Variants in PRLR observed in about 807,000 individuals in gnomAD.
The protein encoded by PRLR is prolactin receptor, also known as hPRL receptor.
Under a neutral mutation model 40.2 loss-of-function variants are expected in PRLR, and 13 were observed. The observed-to-expected ratio is 0.32, with a 90% CI of 0.21 to 0.51. The LOEUF (loss-of-function observed/expected upper bound fraction) is 0.51, where lower values mean the gene tolerates loss of function less well. Among genes scored for constraint, PRLR ranks in the 20% least tolerant of loss-of-function variants. The probability of loss-of-function intolerance (pLI) is 0.97; values close to 1 mark genes in which losing one functional copy is unlikely to be tolerated. For synonymous variants in PRLR, 269 were observed against 278.7 expected (o/e 0.97, Z 0.35); for missense variants, 656 against 747.3 (o/e 0.88, Z 1.42).
At position 35,065,275 on chromosome 5, in the gene PRLR, C is replaced by T. The variant is rs768229429; in HGVS notation, c.1683G>A (p.Val561=). The part of the protein sequence containing the change: ...GVMDNNILVL[V]PDPHAKNVAC... ...CCACGTTTTTAGCATGTGGATCTGG[C>T]ACCAACACCAGGATGTTGTTATCCA... The change falls in exon 10 of 10, where the codon GTG becomes GTA. Residue 561 remains valine (V), a synonymous_variant. Transcript: ENST00000618457. 1.2e-6 allele frequency: 2 copies of T among 1,614,140 alleles called. No individual in the cohort carries two copies. The highest frequency in any genetic ancestry group is 2.2e-5 in the South Asian group (2 of 91,088).
chr5:35,146,040 C>T (rs909184386), intron 1 of PRLR, among the ~76,000 whole-genome samples: 3 of 152,122 alleles, frequency 2.0e-5, no homozygotes, highest in African/African-American at 7.2e-5. Flanking sequence ...GACAAAGAAC[C>T]TCCATAAATC....
chr5:35,055,241 T>C (rs1768653274), downstream of PRLR, among the ~76,000 whole-genome samples: 1 of 152,190 alleles, frequency 6.6e-6, no homozygotes, highest in African/African-American at 2.4e-5. Flanking sequence ...AAGTTGATCA[T>C]ATCTCAGGTT....
chr5:35,188,114 G>A (rs1775496707), intron 1 of PRLR, among the ~76,000 whole-genome samples: 1 of 152,148 alleles, frequency 6.6e-6, no homozygotes, highest in African/African-American at 2.4e-5. Context: ...ACCTGGGGCA[G>A]CCACCCAGCT....
intron 1 of PRLR, among the ~76,000 whole-genome samples, chr5:35,156,220 A>T (rs570228185): frequency 6.6e-6 from 1 of 151,732 alleles, no homozygotes; most frequent in East Asian, 1.9e-4. Context: ...TCCAATGATG[A>T]ATCCTGTTGA....
At chr5:35,099,354 C>G (rs917526521) in intron 2 of PRLR, among the ~76,000 whole-genome samples, 1 of 152,146 alleles carries the variant, frequency 6.6e-6, no homozygotes, top group Non-Finnish European at 1.5e-5. Context: ...AACATCGTAA[C>G]GTAATGCTTT....
intron 2 of PRLR, among the ~76,000 whole-genome samples, chr5:35,096,787 A>G (rs983889088): frequency 6.6e-6 from 1 of 151,878 alleles, no homozygotes; most frequent in Non-Finnish European, 1.5e-5. Context: ...CGCCTGGCTA[A>G]TTTTTGTATT....
chr5:35,095,420 T>C (rs913339331), intron 2 of PRLR, among the ~76,000 whole-genome samples: 1 of 152,200 alleles, frequency 6.6e-6, no homozygotes, highest in Non-Finnish European at 1.5e-5. Flanking sequence ...ACAGCCAGCA[T>C]AGTTTTCAGT....
At chr5:35,083,197 C>T (rs767281785) in intron 5 of PRLR, among the ~76,000 whole-genome samples, 6 of 152,204 alleles carry the variant, frequency 3.9e-5, no homozygotes, top group African/African-American at 1.2e-4. Context: ...GGCCCCTCAG[C>T]GCAACTGAGG....
chr5:35,174,286 C>T (rs1775083972), intron 1 of PRLR, among the ~76,000 whole-genome samples: 1 of 152,164 alleles, frequency 6.6e-6, no homozygotes, highest in Non-Finnish European at 1.5e-5. Flanking sequence ...GACGGAGTTT[C>T]ACCATGTTGC....
chr5:35,134,665 C>T (rs982821899), intron 1 of PRLR, among the ~76,000 whole-genome samples: 5 of 152,102 alleles, frequency 3.3e-5, no homozygotes, highest in African/African-American at 1.2e-4. Context: ...ATTTAATTAA[C>T]TGAAAAATAA....
At chr5:35,054,868 G>T (rs1413301971), downstream of PRLR, among the ~76,000 whole-genome samples, 3 of 152,172 alleles carry the variant, frequency 2.0e-5, no homozygotes, top group Non-Finnish European at 2.9e-5. Flanking sequence ...TTTAAAAATA[G>T]CTGGGAAGGA....
intron 1 of PRLR, among the ~76,000 whole-genome samples, chr5:35,190,793 C>A (rs1218142246): frequency 1.3e-5 from 2 of 152,164 alleles, no homozygotes; most frequent in East Asian, 3.8e-4. Flanking sequence ...AGCATCTTGA[C>A]CACTGTGTAT....
chr5:35,092,737 A>C (rs934008572), intron 2 of PRLR, among the ~76,000 whole-genome samples: 2 of 152,170 alleles, frequency 1.3e-5, no homozygotes, highest in East Asian at 3.9e-4. Flanking sequence ...AGTCAGCCCC[A>C]CACATCCTGG....
intron 5 of PRLR, among the ~76,000 whole-genome samples, chr5:35,083,526 T>TC (rs1359284515): frequency 6.9e-6 from 1 of 144,644 alleles, no homozygotes; most frequent in African/African-American, 2.5e-5. Context: ...TTTCTTTTCT[T>TC]TTTTTTTTTT....
chr5:35,068,255 A>C lies in PRLR; in HGVS notation c.816T>G (p.Pro272=), dbSNP rs1454164659. 4 of 1,613,452 alleles carry C rather than the reference A, an allele frequency of 2.5e-6. No homozygotes were observed. The South Asian group carries it at 3.3e-5, about 13-fold the overall frequency. ...SMVTCIFPPV[P]GPKIKGFDAH... ...CATCAAATCCTTTTATTTTTGGCCC[A>C]GGAACTGGCGGAAAGATGCAGGTCA... Residue 272 remains proline (P), a synonymous_variant, in exon 9 of 10, where the codon CCT becomes CCG. Transcript: ENST00000618457.
intron 1 of PRLR, among the ~76,000 whole-genome samples, chr5:35,162,261 A>T (rs1362529169): frequency 6.6e-6 from 1 of 152,214 alleles, no homozygotes; most frequent in Admixed American, 6.5e-5. Context: ...CTATTTTGTA[A>T]ACTTCAATGT....
intron 5 of PRLR, among the ~76,000 whole-genome samples, chr5:35,074,919 G>A (rs550421083): frequency 2.0e-5 from 3 of 152,204 alleles, no homozygotes; most frequent in African/African-American, 7.2e-5. Flanking sequence ...TCTCAGTTCT[G>A]CTGTTCAGTG....
chr5:35,171,300 G>T (rs1364830296), intron 1 of PRLR, among the ~76,000 whole-genome samples: 3 of 149,734 alleles, frequency 2.0e-5, no homozygotes, highest in Non-Finnish European at 4.4e-5. Context: ...CATCTGAGAG[G>T]TTTTTGGATT....
At chr5:35,154,652 G>A (rs566915323) in intron 1 of PRLR, among the ~76,000 whole-genome samples, 1 of 152,040 alleles carries the variant, frequency 6.6e-6, no homozygotes, top group Admixed American at 6.5e-5. Flanking sequence ...TATACCCAAA[G>A]GAATATAAAC....
Sources: gnomAD v4.1 joint callset for allele counts (sites outside exome capture counted in the v4.1 genomes callset) on GRCh38, gnomAD v4.1.1 for gene constraint, MANE v1.5 for transcripts, NCBI Gene and HGNC (gene_info 2026-07-23, HGNC 2026-07-21) for gene names.